EVI5: variants seen among roughly 807,000 people sequenced by gnomAD.
The protein encoded by EVI5 is ecotropic viral integration site 5.
EVI5 carries 73 observed loss-of-function variants against 112.0 expected under a neutral mutation model. That is an observed-to-expected ratio of 0.65 (90% CI 0.54 to 0.79). EVI5 has a LOEUF of 0.79. EVI5 is among the 30% of genes least tolerant of loss of function. EVI5 has a pLI of 0.00. For synonymous variants in EVI5, 305 were observed against 319.9 expected, an observed-to-expected ratio of 0.95 and a Z score of 0.50; for missense variants, 900 against 968.8, an observed-to-expected ratio of 0.93 and a Z score of 0.94.
intron 13 of EVI5, among the ~76,000 whole-genome samples, chr1:92,661,553 A>G (rs867199831): frequency 6.6e-6 from 1 of 152,148 alleles, no homozygotes; most frequent in African/African-American, 2.4e-5. Context: ...TTCCTAATAT[A>G]AATCCACAAT....
intron 9 of EVI5, among the ~76,000 whole-genome samples, chr1:92,678,407 C>G (rs1667082660): frequency 6.6e-6 from 1 of 151,780 alleles, no homozygotes; most frequent in African/African-American, 2.4e-5. Context: ...GGGTGCATGC[C>G]TGTAGTTGCA....
At chr1:92,599,338 A>T (rs1163708605) in intron 18 of EVI5, among the ~76,000 whole-genome samples, 2 of 152,172 alleles carry the variant, frequency 1.3e-5, no homozygotes, top group East Asian at 3.9e-4. Flanking sequence ...GTTAATCTGA[A>T]GACATCTGAA....
At chr1:92,752,052 G>T (rs1680275982) in intron 1 of EVI5, among the ~76,000 whole-genome samples, 1 of 152,022 alleles carries the variant, frequency 6.6e-6, no homozygotes, top group African/African-American at 2.4e-5. Context: ...TTAAGATATT[G>T]CCCTCTATTG....
chr1:92,691,984 T>C (rs1304532375), intron 9 of EVI5, among the ~76,000 whole-genome samples: 1 of 152,106 alleles, frequency 6.6e-6, no homozygotes, highest in Non-Finnish European at 1.5e-5. Context: ...TAAATATACA[T>C]GGAAGGCCAC....
intron 13 of EVI5, among the ~76,000 whole-genome samples, chr1:92,657,673 C>G (rs12071492): frequency 2.0e-5 from 3 of 150,482 alleles, no homozygotes; most frequent in African/African-American, 7.3e-5. Context: ...AACAAACAAA[C>G]AAAAAAAAAC....
chr1:92,649,968 T>A (rs1425738676), intron 13 of EVI5, among the ~76,000 whole-genome samples: 1 of 152,246 alleles, frequency 6.6e-6, no homozygotes, highest in Non-Finnish European at 1.5e-5. Flanking sequence ...GTTCTTAGCA[T>A]CCTTGTGGAA....
chr1:92,686,736 T>C (rs1291461567), intron 9 of EVI5, among the ~76,000 whole-genome samples: 1 of 152,160 alleles, frequency 6.6e-6, no homozygotes, highest in African/African-American at 2.4e-5. Context: ...TCACAAGTAT[T>C]TCTATACACC....
rs539269944 is a variant in EVI5, at chr1:92,670,995, T to C, written c.1159-5003A>G. Among the ~76,000 whole-genome samples, 86 of 151,490 alleles carry C rather than the reference T, an allele frequency of 5.7e-4. 1 individual carries two copies. In the South Asian group the frequency reaches 0.018, roughly 31 times the overall value. On this transcript the variant is annotated intron_variant, in intron 10 of 19. Coordinates refer to ENST00000684568, the MANE Select transcript of EVI5 (RefSeq NM_001350197.2). ...TTAATGATAAATTTTTCCTACTTGA[T>C]TATCACCATAAAAGCATGCAGTTAT... is the stretch of plus-strand genomic sequence containing the variant.
At chr1:92,632,368 T>G (rs910927160) in intron 14 of EVI5, among the ~76,000 whole-genome samples, 1 of 152,202 alleles carries the variant, frequency 6.6e-6, no homozygotes, top group Non-Finnish European at 1.5e-5. Context: ...AGCCTGTTAT[T>G]GGTCTATTCA....
At chr1:92,765,532 A>G (rs1682492929) in intron 1 of EVI5, among the ~76,000 whole-genome samples, 1 of 151,744 alleles carries the variant, frequency 6.6e-6, no homozygotes, top group African/African-American at 2.4e-5. Flanking sequence ...CTGATTAAAA[A>G]AAAAAAAGAC....
At chr1:92,779,818 T>C (rs1359998303) in intron 1 of EVI5, among the ~76,000 whole-genome samples, 1 of 152,164 alleles carries the variant, frequency 6.6e-6, no homozygotes, top group African/African-American at 2.4e-5. Flanking sequence ...GCTCAGAATC[T>C]AGGAGCCTAG....
intron 19 of EVI5, among the ~76,000 whole-genome samples, chr1:92,546,527 T>A (rs1300489882): frequency 1.3e-5 from 2 of 151,836 alleles, no homozygotes; most frequent in Admixed American, 6.6e-5. Context: ...TGAAACCCCG[T>A]CTCTACTAAA....
At chr1:92,580,013 T>C (rs1053246695) in intron 18 of EVI5, among the ~76,000 whole-genome samples, 2 of 152,234 alleles carry the variant, frequency 1.3e-5, no homozygotes, top group African/African-American at 4.8e-5. Context: ...ATATGTATTA[T>C]TAAAGTAGAA....
rs1264137571 is a variant in EVI5, at chr1:92,624,268, G to GTAAC, written c.1731_1734dup (p.Gln579ValfsTer4). The stretch of plus-strand genomic sequence containing the variant: ...AGTCGAATGGTCATCAGTTCATCTT[G>GTAAC]TAACTCATTCATAGCATTTTTCTTG... On this transcript the variant is annotated frameshift_variant, in exon 16 of 20. Transcript: ENST00000684568. LOFTEE classifies it high-confidence loss of function. 1 of 1,612,056 alleles carries GTAAC rather than the reference G, an allele frequency of 6.2e-7. No individual in the cohort carries two copies. Among genetic ancestry groups the GTAAC allele is most frequent in the Non-Finnish European group, 8.5e-7 (1 of 1,178,254 alleles).
At chr1:92,659,338 T>C (rs1663574236) in intron 13 of EVI5, among the ~76,000 whole-genome samples, 1 of 151,962 alleles carries the variant, frequency 6.6e-6, no homozygotes. Context: ...GAGAAAATAT[T>C]TGCAAACTAC....
At chr1:92,731,386 C>A (rs1047935905) in intron 2 of EVI5, among the ~76,000 whole-genome samples, 1 of 152,110 alleles carries the variant, frequency 6.6e-6, no homozygotes, top group South Asian at 2.1e-4. Context: ...AATTGTAGTT[C>A]TATATGCCAG....
chr1:92,791,987 A>G (rs1304846815), intron 1 of EVI5, among the ~76,000 whole-genome samples: 3 of 152,240 alleles, frequency 2.0e-5, no homozygotes, highest in Non-Finnish European at 2.9e-5. Context: ...CCATACAGAC[A>G]TGCTAGGTCT....
intron 18 of EVI5, among the ~76,000 whole-genome samples, chr1:92,585,237 A>AAT (rs1672594773): frequency 6.6e-6 from 1 of 150,440 alleles, no homozygotes; most frequent in South Asian, 2.1e-4. Context: ...AAAAAAAAAA[A>AAT]TCAGCCCAGT....
At chr1:92,583,060 G>T (rs1672204528) in intron 18 of EVI5, among the ~76,000 whole-genome samples, 1 of 151,960 alleles carries the variant, frequency 6.6e-6, no homozygotes, top group Non-Finnish European at 1.5e-5. Context: ...ATACAAATGG[G>T]AATATATATT....
Sources: gnomAD v4.1 joint callset for allele counts (sites outside exome capture counted in the v4.1 genomes callset) on GRCh38, gnomAD v4.1.1 for gene constraint, MANE v1.5 for transcripts, NCBI Gene and HGNC (gene_info 2026-07-23, HGNC 2026-07-21) for gene names.